MTAP: variants seen among roughly 807,000 people sequenced by gnomAD.
MTAP encodes methylthioadenosine phosphorylase, also known as S-methyl-5'-thioadenosine phosphorylase.
A neutral mutation model predicts 33.6 loss-of-function variants in MTAP; 33 were observed. The ratio of observed to expected loss-of-function variants is 0.98; its 90% CI spans 0.74 to 1.31. The LOEUF is 1.31. Among genes scored for constraint, MTAP ranks in the 40% most tolerant of loss-of-function variants. The probability of loss-of-function intolerance (pLI) is 0.00; values close to 1 mark genes in which losing one functional copy is unlikely to be tolerated. For synonymous variants in MTAP, 148 were observed against 125.7 expected, an observed-to-expected ratio of 1.18 and a Z score of -1.19; for missense variants, 367 against 360.0, an observed-to-expected ratio of 1.02 and a Z score of -0.16.
intron 4 of MTAP, among the ~76,000 whole-genome samples, chr9:21,822,728 G>T (rs1446693430): frequency 6.6e-6 from 1 of 152,082 alleles, no homozygotes; most frequent in Non-Finnish European, 1.5e-5. Flanking sequence ...TTGACAGTGG[G>T]GTGTTAAAGT....
intron 1 of MTAP, among the ~76,000 whole-genome samples, chr9:21,921,338 T>C (rs1818784294): frequency 6.6e-6 from 1 of 152,172 alleles, no homozygotes; most frequent in African/African-American, 2.4e-5. Context: ...AATTTATTTT[T>C]TCAAAAAAAC....
At chr9:21,874,374 G>A (rs764244831) in intron 1 of MTAP, among the ~76,000 whole-genome samples, 1 of 152,146 alleles carries the variant, frequency 6.6e-6, no homozygotes, top group African/African-American at 2.4e-5. Flanking sequence ...AATTTCAAAT[G>A]TGTTATAAAT....
chr9:21,877,623 G>T (rs975073080), intron 1 of MTAP, among the ~76,000 whole-genome samples: 61 of 151,964 alleles, frequency 4.0e-4, no homozygotes, highest in Non-Finnish European at 1.5e-5. Flanking sequence ...AATAGTGTGG[G>T]TTTTATCTTT....
At chr9:21,820,778 G>C (rs1012358646) in intron 4 of MTAP, among the ~76,000 whole-genome samples, 2 of 152,140 alleles carry the variant, frequency 1.3e-5, no homozygotes, top group Admixed American at 1.3e-4. Flanking sequence ...TCTTCCATTT[G>C]TTTGTATCCT....
chr9:21,919,037 GA>G (rs1160138950), intron 1 of MTAP, among the ~76,000 whole-genome samples: 2 of 152,078 alleles, frequency 1.3e-5, no homozygotes, highest in Non-Finnish European at 1.5e-5. Context: ...CTATTGATAG[GA>G]AAAAGTGAGA....
rs1003584746 is a variant in MTAP at position 21,803,025 on chromosome 9, C to T, written c.33+244C>T. On this transcript the variant is annotated intron_variant, in intron 1 of 7. Transcript: ENST00000644715. ...ACACACACACACACACACACACACACACACACACACACCACCTTTTGGCTT... is the reference window on the plus strand; with the variant it reads ...ACACACACACACACACACACACACATACACACACACACCACCTTTTGGCTT... The T allele has an allele frequency of 9.1e-6, 10 of 1,096,956 alleles. No individual in the cohort carries two copies. In the Admixed American group the frequency reaches 3.6e-4, roughly 40 times the overall value. The allele number at this position is 1,096,956 out of a possible 1,614,324, so 68.0% of individuals were successfully genotyped here.
At chr9:21,876,164 A>G (rs1036034742) in intron 1 of MTAP, among the ~76,000 whole-genome samples, 3 of 151,932 alleles carry the variant, frequency 2.0e-5, no homozygotes, top group African/African-American at 7.3e-5. Context: ...GGCCACATGT[A>G]TGTCTTCTTT....
intron 4 of MTAP, among the ~76,000 whole-genome samples, chr9:21,828,549 C>T (rs533418818): frequency 2.0e-4 from 30 of 152,202 alleles, no homozygotes; most frequent in African/African-American, 6.5e-4. Context: ...GTGGTGAGCA[C>T]CTGTAATCCC....
chr9:21,823,660 C>T, intron 4 of MTAP, among the ~76,000 whole-genome samples: 1 of 152,118 alleles, frequency 6.6e-6, no homozygotes. Flanking sequence ...TGTTGGCCTG[C>T]CTTGCTAGAT....
chr9:21,844,116 C>G (rs1006508311), intron 5 of MTAP, among the ~76,000 whole-genome samples: 1 of 152,110 alleles, frequency 6.6e-6, no homozygotes, highest in Non-Finnish European at 1.5e-5. Flanking sequence ...TGCACACAAA[C>G]TAGAAAATCT....
intron 1 of MTAP, among the ~76,000 whole-genome samples, chr9:21,882,654 A>G (rs1485748550): frequency 6.6e-6 from 1 of 152,046 alleles, no homozygotes; most frequent in Admixed American, 6.6e-5. Context: ...AACGTTTTAT[A>G]TGCAATAATC....
chr9:21,932,763 A>G (rs936696986), downstream of MTAP: 2 of 151,988 alleles, frequency 1.3e-5, no homozygotes, highest in Admixed American at 1.3e-4. Context: ...CATTTAGCCA[A>G]CTCTACATGT....
chr9:21,887,845 T>C (rs1483721479), intron 1 of MTAP, among the ~76,000 whole-genome samples: 1 of 152,174 alleles, frequency 6.6e-6, no homozygotes, highest in Non-Finnish European at 1.5e-5. Flanking sequence ...AGCTTTCACG[T>C]CCTTGGTTAG....
At chr9:21,903,392 A>G (rs1818423116) in intron 1 of MTAP, among the ~76,000 whole-genome samples, 1 of 152,222 alleles carries the variant, frequency 6.6e-6, no homozygotes, top group Non-Finnish European at 1.5e-5. Flanking sequence ...TTTCCAGAAG[A>G]AAATGCTTCT....
chr9:21,822,321 T>A (rs1327814792), intron 4 of MTAP, among the ~76,000 whole-genome samples: 4 of 152,198 alleles, frequency 2.6e-5, no homozygotes, highest in Non-Finnish European at 5.9e-5. Flanking sequence ...GAGATTCTGG[T>A]ATGTTGTGTA....
intron 4 of MTAP, among the ~76,000 whole-genome samples, chr9:21,829,064 A>G (rs909579437): frequency 1.3e-5 from 2 of 152,278 alleles, no homozygotes; most frequent in East Asian, 1.9e-4. Context: ...AATGCCCTCT[A>G]TGTGTTTTAC....
intron 3 of MTAP, 96 bp from the exon 4 acceptor site, chr9:21,817,939 A>G (rs1824526012): frequency 8.2e-6 from 10 of 1,214,172 alleles, no homozygotes; most frequent in Non-Finnish European, 1.1e-5. Flanking sequence ...GTCTGTGGTC[A>G]TTGCTAGAGA....
At chr9:21,845,030 CAA>C (rs35813212) in intron 5 of MTAP, among the ~76,000 whole-genome samples, 6 of 121,624 alleles carry the variant, frequency 4.9e-5, no homozygotes, top group Admixed American at 8.0e-5. Context: ...GACTCCGTCT[CAA>C]AAAAAAAAAA....
chr9:21,848,673 T>G (rs926687240), intron 5 of MTAP, among the ~76,000 whole-genome samples: 1 of 152,200 alleles, frequency 6.6e-6, no homozygotes, highest in Non-Finnish European at 1.5e-5. Context: ...CCAGAAAATA[T>G]GCCCTTGACC....
Sources: gnomAD v4.1 joint callset for allele counts (sites outside exome capture counted in the v4.1 genomes callset) on GRCh38, gnomAD v4.1.1 for gene constraint, MANE v1.5 for transcripts, NCBI Gene and HGNC (gene_info 2026-07-23, HGNC 2026-07-21) for gene names.